Variants in ADCYAP1R1 observed in about 807,000 individuals in gnomAD.
The protein encoded by ADCYAP1R1 is pituitary adenylate cyclase-activating polypeptide type I receptor.
ADCYAP1R1 carries 44 observed loss-of-function variants against 67.6 expected under a neutral mutation model. The ratio of observed to expected loss-of-function variants is 0.65; its 90% confidence interval spans 0.51 to 0.84. The LOEUF (loss-of-function observed/expected upper bound fraction) is 0.84. Among genes scored for constraint, ADCYAP1R1 ranks in the 40% least tolerant of loss-of-function variants. The pLI, the probability that ADCYAP1R1 is intolerant of heterozygous loss-of-function variation, is 0.00. For synonymous variants in ADCYAP1R1, 222 were observed against 219.6 expected, an observed-to-expected ratio of 1.01 and a Z score of -0.10; for missense variants, 477 against 587.9, an observed-to-expected ratio of 0.81 and a Z score of 1.95.
At chr7:31,085,604 G>A (rs373383621) in intron 9 of ADCYAP1R1, among the ~76,000 whole-genome samples, 162 bp downstream of exon 9, 12 of 152,116 alleles carry the variant, frequency 7.9e-5, no homozygotes, top group African/African-American at 2.2e-4. Context: ...GAAAACTCAC[G>A]AATTAAGTTA....
intron 1 of ADCYAP1R1, among the ~76,000 whole-genome samples, chr7:31,058,423 G>C (rs563749693): frequency 6.6e-6 from 1 of 152,316 alleles, no homozygotes; most frequent in Non-Finnish European, 1.5e-5. Context: ...TCGGTGGCTG[G>C]GCTTATGAGG....
chr7:31,054,523 A>G (rs1794162059), intron 1 of ADCYAP1R1, among the ~76,000 whole-genome samples: 1 of 152,208 alleles, frequency 6.6e-6, no homozygotes, highest in Non-Finnish European at 1.5e-5. Flanking sequence ...TTTGTGTCGA[A>G]TAAATAAATA....
intron 12 of ADCYAP1R1, among the ~76,000 whole-genome samples, chr7:31,091,453 T>C (rs1361764783): frequency 6.6e-6 from 1 of 152,196 alleles, no homozygotes; most frequent in African/African-American, 2.4e-5. Flanking sequence ...TTTGTTGCAA[T>C]TGCTTTTGAG....
chr7:31,106,405 G>A (rs569103266), intron 15 of ADCYAP1R1, 91 bp from the exon 16 acceptor site: 58 of 1,468,272 alleles, frequency 4.0e-5, no homozygotes, highest in Non-Finnish European at 4.8e-5. Flanking sequence ...GGGTGGCACT[G>A]CCAGCCTGGG....
At chr7:31,065,135 T>A (rs1243069163) in intron 3 of ADCYAP1R1, among the ~76,000 whole-genome samples, 199 bp downstream of exon 3, 1 of 152,208 alleles carries the variant, frequency 6.6e-6, no homozygotes, top group Non-Finnish European at 1.5e-5. Flanking sequence ...GTGGTCTGGA[T>A]GCCTCACAGC....
rs1470077073 is a variant in ADCYAP1R1, at chr7:31,106,903, A to C, written c.*219A>C. ...CTGTGGTCCCCTGGGCCCTGACCCC[A>C]GACATGTAAATACTCCTCAAATTTG... On this transcript the variant is annotated 3_prime_UTR_variant, in exon 16 of 16. Transcript: ENST00000304166. 1 of 562,296 alleles carries C rather than the reference A, an allele frequency of 1.8e-6. No homozygotes were observed. The highest frequency in any genetic ancestry group is 3.3e-5 in the East Asian group (1 of 30,556). The allele number at this position is 562,296 out of a possible 1,614,324, so 34.8% of individuals were successfully genotyped here.
chr7:31,067,691 C>T (rs949752061), intron 3 of ADCYAP1R1, among the ~76,000 whole-genome samples: 2 of 152,190 alleles, frequency 1.3e-5, no homozygotes, highest in Admixed American at 6.5e-5. Context: ...AGCACCCCCC[C>T]GGGCGCAGCA....
intron 4 of ADCYAP1R1, 49 bp downstream of exon 4, chr7:31,078,147 C>G: frequency 6.7e-7 from 1 of 1,482,962 alleles, no homozygotes; most frequent in Non-Finnish European, 9.1e-7. Flanking sequence ...GCCTGCTCCC[C>G]AAATTCGGCC....
chr7:31,077,038 G>A (rs1202777682), intron 3 of ADCYAP1R1, among the ~76,000 whole-genome samples: 3 of 152,204 alleles, frequency 2.0e-5, no homozygotes, highest in Non-Finnish European at 4.4e-5. Flanking sequence ...AAAAACAGGT[G>A]AGGGCTCCCT....
At chr7:31,059,474 G>A (rs919534634) in intron 1 of ADCYAP1R1, among the ~76,000 whole-genome samples, 8 of 152,182 alleles carry the variant, frequency 5.3e-5, no homozygotes, top group Non-Finnish European at 1.0e-4. Flanking sequence ...AGGGAATATG[G>A]AGTGACCCAT....
At chr7:31,101,810 G>A (rs1457201725) in intron 13 of ADCYAP1R1, among the ~76,000 whole-genome samples, 1 of 152,238 alleles carries the variant, frequency 6.6e-6, no homozygotes, top group Non-Finnish European at 1.5e-5. Flanking sequence ...GAGATAGACA[G>A]ATAAGAGGAA....
chr7:31,069,332 T>C (rs1486066815), intron 3 of ADCYAP1R1, among the ~76,000 whole-genome samples: 1 of 152,168 alleles, frequency 6.6e-6, no homozygotes, highest in Non-Finnish European at 1.5e-5. Flanking sequence ...TTCCTGCACC[T>C]TCCCTGCCCG....
At chr7:31,090,111 G>C (rs750214610) in intron 12 of ADCYAP1R1, among the ~76,000 whole-genome samples, 1 of 152,034 alleles carries the variant, frequency 6.6e-6, no homozygotes, top group Non-Finnish European at 1.5e-5. Context: ...TCTGGAACTG[G>C]TCTATAAAAT....
intron 6 of ADCYAP1R1, 148 bp downstream of exon 6, chr7:31,081,902 G>A: frequency 3.4e-6 from 2 of 584,686 alleles, no homozygotes; most frequent in Non-Finnish European, 6.0e-6. Context: ...TCTGATAAAG[G>A]TACAGATTAT....
chr7:31,055,150 C>T (rs1056378084), intron 1 of ADCYAP1R1, among the ~76,000 whole-genome samples: 2 of 152,156 alleles, frequency 1.3e-5, no homozygotes, highest in Non-Finnish European at 2.9e-5. Context: ...CTTTCTATGA[C>T]ACCTGCCAGA....
Position 31,076,448 on chromosome 7 carries a change from G to A in ADCYAP1R1, c.158-1543G>A, listed in dbSNP as rs75706105. Reference sequence around the variant, plus strand: ...GCACCCGGGAGAGGGGAGCCGCTGGGCCCCCTAGACCTGAAAATCTGGTCA... The same window carrying A: ...GCACCCGGGAGAGGGGAGCCGCTGGACCCCCTAGACCTGAAAATCTGGTCA... On this transcript the variant is annotated intron_variant, in intron 3 of 15. Coordinates refer to ENST00000304166, the MANE Select transcript of ADCYAP1R1 (RefSeq NM_001118.5). Among the ~76,000 whole-genome samples the A allele has an allele frequency of 5.4e-3, 821 of 152,270 alleles. 6 individuals are homozygous for A. The highest frequency in any genetic ancestry group is 0.018 in the African/African-American group (758 of 41,548).
chr7:31,063,375 G>A, intron 2 of ADCYAP1R1, 60 bp downstream of exon 2: 1 of 1,598,894 alleles, frequency 6.3e-7, no homozygotes, highest in East Asian at 2.2e-5. Context: ...CCGCTCCAGA[G>A]AACTCATGTT....
chr7:31,076,123 C>G (rs1287721649), intron 3 of ADCYAP1R1, among the ~76,000 whole-genome samples: 1 of 152,178 alleles, frequency 6.6e-6, no homozygotes, highest in Non-Finnish European at 1.5e-5. Flanking sequence ...ACAGAGTTGT[C>G]CACATGAAAT....
At position 31,057,852 on chromosome 7, in the gene ADCYAP1R1, G is replaced by A. The variant is rs184111882; in HGVS notation, c.-72+5174G>A. Among the ~76,000 whole-genome samples, 604 of 152,318 alleles carry A rather than the reference G, an allele frequency of 4.0e-3. 4 individuals carry two copies. The highest frequency in any genetic ancestry group is 0.013 in the African/African-American group (561 of 41,574). On this transcript the variant is annotated intron_variant, in intron 1 of 15. Transcript: ENST00000304166. ...CACGGGGAGAGCAGGGTAGGCGAGT[G>A]ATGTACTTAGCCTGGCCATCTCCTT... is the stretch of plus-strand genomic sequence containing the variant.
Sources: allele counts gnomAD v4.1 joint callset (sites outside exome capture counted in the v4.1 genomes callset), GRCh38; gene constraint gnomAD v4.1.1; transcripts MANE v1.5; gene names NCBI Gene and HGNC (gene_info 2026-07-23, HGNC 2026-07-21).